The following NUP35 variants were observed in gnomAD, a reference collection of about 807,000 sequenced individuals.
NUP35 encodes the protein nucleoporin 35, also known as nucleoporin NUP35.
A neutral mutation model predicts 41.5 loss-of-function variants in NUP35; 25 were observed. The ratio of observed to expected loss-of-function variants is 0.60; its 90% CI spans 0.44 to 0.84. The LOEUF is 0.84. Ranked by LOEUF, NUP35 falls within the 40% of genes least tolerant of loss-of-function variation. The probability of loss-of-function intolerance (pLI) is 0.00; values close to 1 mark genes in which losing one functional copy is unlikely to be tolerated. For synonymous variants in NUP35, 149 were observed against 130.7 expected, an observed-to-expected ratio of 1.14 and a Z score of -0.96; for missense variants, 396 against 396.6, an observed-to-expected ratio of 1.00 and a Z score of 0.01.
At chr2:183,159,366 TTTAA>T (rs1685784924) in intron 7 of NUP35, 118 bp from the exon 8 acceptor site, 1 of 793,844 alleles carries the variant, frequency 1.3e-6, no homozygotes, top group African/African-American at 1.8e-5. Context: ...TATTTGCAAG[TTTAA>T]TTAGAGCAAA....
At chr2:183,145,233 A>G (rs977139027) in intron 4 of NUP35, among the ~76,000 whole-genome samples, 1 of 152,216 alleles carries the variant, frequency 6.6e-6, no homozygotes, top group Non-Finnish European at 1.5e-5. Flanking sequence ...TCAAAGTGGG[A>G]TGTTTCATTC....
chr2:183,151,466 G>A (rs770166637), intron 4 of NUP35, 42 bp from the exon 5 acceptor site: 10 of 1,580,986 alleles, frequency 6.3e-6, no homozygotes, highest in South Asian at 2.3e-5. Flanking sequence ...ATCAATCGAG[G>A]TGTTTACACT....
chr2:183,150,919 C>T (rs1267413679), intron 4 of NUP35, among the ~76,000 whole-genome samples: 1 of 152,136 alleles, frequency 6.6e-6, no homozygotes, highest in Non-Finnish European at 1.5e-5. Flanking sequence ...AAGTGTTTAG[C>T]ATGGCATGTT....
upstream of NUP35, among the ~76,000 whole-genome samples, chr2:183,122,027 A>G (rs1291579663): frequency 6.7e-6 from 1 of 149,252 alleles, no homozygotes; most frequent in Non-Finnish European, 1.5e-5. Context: ...CAATTTACAA[A>G]CCCTTTTCTA....
chr2:183,124,107 G>A (rs1247038665), upstream of NUP35, among the ~76,000 whole-genome samples: 1 of 152,188 alleles, frequency 6.6e-6, no homozygotes, highest in African/African-American at 2.4e-5. Context: ...GCTGACCGAT[G>A]ATAGAGCACT....
intron 4 of NUP35, among the ~76,000 whole-genome samples, chr2:183,144,791 TG>T (rs746570115): frequency 2.0e-5 from 3 of 152,150 alleles, no homozygotes; most frequent in Non-Finnish European, 4.4e-5. Flanking sequence ...ATTAACTAGG[TG>T]GGGGGCAATT....
At chr2:183,137,321 C>T (rs985871475) in intron 4 of NUP35, among the ~76,000 whole-genome samples, 1 of 152,106 alleles carries the variant, frequency 6.6e-6, no homozygotes, top group Admixed American at 6.5e-5. Flanking sequence ...ATGCCAGGTG[C>T]CACTGGCTCA....
chr2:183,131,845 G>A (rs994529220), intron 3 of NUP35, among the ~76,000 whole-genome samples: 6 of 152,162 alleles, frequency 3.9e-5, no homozygotes, highest in East Asian at 1.9e-4. Flanking sequence ...AAAATTACAC[G>A]TATGGAATTT....
At chr2:183,157,346 A>G (rs1191450071) in intron 5 of NUP35, 98 bp from the exon 6 acceptor site, 26 of 895,436 alleles carry the variant, frequency 2.9e-5, no homozygotes, top group Non-Finnish European at 2.4e-5. Flanking sequence ...CGTTCTAGAC[A>G]GTTGGGGGCC....
At chr2:183,129,705 A>T (rs761536348) in intron 2 of NUP35, among the ~76,000 whole-genome samples, 8 of 152,200 alleles carry the variant, frequency 5.3e-5, no homozygotes, top group Non-Finnish European at 1.0e-4. Context: ...GCTGAAGCTC[A>T]CTTGCTAGTA....
chr2:183,142,287 ATTTG>A (rs1685119713), intron 4 of NUP35, among the ~76,000 whole-genome samples: 1 of 151,598 alleles, frequency 6.6e-6, no homozygotes. Context: ...TCCCTGTATT[ATTTG>A]TTTGATAATT....
chr2:183,129,293 AAC>A (rs1268803335), intron 2 of NUP35, among the ~76,000 whole-genome samples: 1 of 152,222 alleles, frequency 6.6e-6, no homozygotes, highest in African/African-American at 2.4e-5. Context: ...TTTATTACAG[AAC>A]TCCTTTAGCA....
At chr2:183,147,604 C>T (rs897662661) in intron 4 of NUP35, among the ~76,000 whole-genome samples, 4 of 152,130 alleles carry the variant, frequency 2.6e-5, no homozygotes, top group Admixed American at 1.3e-4. Context: ...AGTTTGAAGT[C>T]AGGTAATATG....
At position 183,149,987 on chromosome 2, in the gene NUP35, A is replaced by G. The variant is rs1314344916; in HGVS notation, c.398-1521A>G. ...AGTGGTGCTATCTCAGCTCACTGCA[A>G]CCTCCGCCTCCCGGGTTCAAGCGAT... On this transcript the variant is annotated intron_variant, in intron 4 of 8. Coordinates refer to ENST00000295119, the MANE Select transcript of NUP35 (RefSeq NM_138285.5). 2.6e-5 allele frequency among the ~76,000 whole-genome samples: 4 copies of G among 151,928 alleles called. No individual in the cohort carries two copies. In the East Asian group the frequency reaches 7.8e-4, roughly 29 times the overall value.
intron 5 of NUP35, among the ~76,000 whole-genome samples, chr2:183,154,853 CAG>C (rs546927858): frequency 4.6e-5 from 7 of 152,208 alleles, no homozygotes; most frequent in Non-Finnish European, 7.4e-5. Flanking sequence ...ATACCTGAGA[CAG>C]GGAAGAAAAA....
intron 4 of NUP35, among the ~76,000 whole-genome samples, chr2:183,147,282 A>G (rs1033766996): frequency 1.2e-4 from 19 of 152,144 alleles, no homozygotes; most frequent in Admixed American, 1.0e-3. Flanking sequence ...TGCCTAGGCC[A>G]ATGTCCAGAA....
upstream of NUP35, chr2:183,124,251 C>G (rs1700111220): frequency 4.5e-6 from 6 of 1,320,292 alleles, no homozygotes; most frequent in South Asian, 1.7e-5. Flanking sequence ...GCCACCTTCC[C>G]GGTGCAAAAA....
Position 183,158,332 on chromosome 2 carries a change from A to G in NUP35, c.659A>G (p.Gln220Arg). The G allele has an allele frequency of 6.2e-7, 1 of 1,609,062 alleles. No homozygotes were observed. Among genetic ancestry groups the G allele is most frequent in the Non-Finnish European group, 8.5e-7 (1 of 1,176,708 alleles). Reference sequence around the variant, plus strand: ...CATATTCGTTATCAATCTAAACTGCAGGCTCGGAAAGCCTTAAGCAAAGAT... The same window carrying G: ...CATATTCGTTATCAATCTAAACTGCGGGCTCGGAAAGCCTTAAGCAAAGAT... ...WMHIRYQSKL[Q>R]ARKALSKDGR... Residue 220 changes from glutamine to arginine, a missense_variant, in exon 7 of 9, where the codon CAG becomes CGG. Transcript: ENST00000295119.
Position 183,133,617 on chromosome 2 carries a change from G to T in NUP35, c.391G>T (p.Gly131Ter). The T allele has an allele frequency of 1.3e-6, 2 of 1,581,042 alleles. No homozygotes were observed. The highest frequency in any genetic ancestry group is 2.3e-5 in the East Asian group (1 of 44,072). Residue 131 changes from glycine to a stop codon, truncating the protein, a stop_gained, in exon 4 of 9, where the codon GGA (glycine) becomes TGA (stop). Transcript: ENST00000295119. LOFTEE classifies it high-confidence loss of function. ...SPLVGVTSTPGTGQSMFSPAS... is the reference protein window; with the variant it reads ...SPLVGVTSTP ...TCTTGTTGGAGTTACATCTACTCCTGGAACAGGTAAGTGATTCTTTCTTTT... is the reference window on the plus strand; with the variant it reads ...TCTTGTTGGAGTTACATCTACTCCTTGAACAGGTAAGTGATTCTTTCTTTT...
Sources: gnomAD v4.1 joint callset for allele counts (sites outside exome capture counted in the v4.1 genomes callset) on GRCh38, gnomAD v4.1.1 for gene constraint, MANE v1.5 for transcripts, NCBI Gene and HGNC (gene_info 2026-07-23, HGNC 2026-07-21) for gene names.